PEG3: variants seen among roughly 807,000 people sequenced by gnomAD.
The protein encoded by PEG3 is paternally expressed 3.
In PEG3, 23 loss-of-function variants were observed where a neutral mutation model predicts 35.5. That is an observed-to-expected ratio of 0.65 (90% CI 0.47 to 0.92). PEG3 has a LOEUF of 0.92. PEG3 is among the 40% of genes least tolerant of loss of function. PEG3 has a pLI of 0.00. For missense variants in PEG3, 1,960 were observed against 1,985.3 expected, an observed-to-expected ratio of 0.99 and a Z score of 0.24; for synonymous variants, 707 against 697.0, an observed-to-expected ratio of 1.01 and a Z score of -0.23.
At position 56,817,303 on chromosome 19, in the gene PEG3, G is replaced by A; in HGVS notation, c.1139C>T (p.Thr380Ile). The A allele has an allele frequency of 6.2e-7, 1 of 1,614,128 alleles. No homozygotes were observed. Among genetic ancestry groups the A allele is most frequent in the Non-Finnish European group, 8.5e-7 (1 of 1,180,022 alleles). Residue 380 changes from threonine (T) to isoleucine (I), a missense_variant, in exon 10 of 10, where the codon ACC (threonine) becomes ATC (isoleucine). This residue lies in a region of PEG3 where 613 missense variants were observed against 577.1 expected (regional missense o/e 1.06). Transcript: ENST00000326441. ...AFRGGFRFNS[T>I]LVSRKRVLER... is the part of the protein sequence containing the mutation. The stretch of plus-strand genomic sequence containing the variant: ...AAGAACTCTCTTTCTGGAAACAAGG[G>A]TTGAATTAAACCTAAAGCCTCCCCT...
At chr19:56,839,874 T>C (rs2062773896) in intron 1 of PEG3, among the ~76,000 whole-genome samples, 1 of 152,214 alleles carries the variant, frequency 6.6e-6, no homozygotes, top group Non-Finnish European at 1.5e-5. Context: ...ACTTGAGCCT[T>C]GCCCCGCCCC....
intron 3 of PEG3, among the ~76,000 whole-genome samples, chr19:56,825,496 T>C (rs2060932252): frequency 6.6e-6 from 1 of 152,234 alleles, no homozygotes; most frequent in Non-Finnish European, 1.5e-5. Flanking sequence ...TTCTCTTTAT[T>C]TTATTATCTG....
Position 56,817,522 on chromosome 19 carries a change from T to A in PEG3, c.920A>T (p.Asp307Val). Residue 307 changes from aspartate (D) to valine (V), a missense_variant, in exon 10 of 10, where the codon GAT (aspartate) becomes GTT (valine). Around this residue, in one of 5 missense-constraint regions of PEG3, gnomAD observed 613 missense variants for 577.1 expected, o/e 1.06. Coordinates refer to ENST00000326441, the MANE Select transcript of PEG3 (RefSeq NM_006210.3). The stretch of plus-strand genomic sequence containing the variant: ...CATTATCACTCCGTGGGAAGATTCA[T>A]CTTCACAAATCCCCCGCCGGTGGGT... ...KSTHRRGICE[D>V]ESSHGVIMEK... is the part of the protein sequence containing the mutation. 1.2e-6 allele frequency: 2 copies of A among 1,606,338 alleles called. No individual in the cohort carries two copies. The highest frequency in any genetic ancestry group is 8.5e-7 in the Non-Finnish European group (1 of 1,175,538).
rs149726269 is a variant in PEG3, at chr19:56,815,384, C to T, written c.3058G>A (p.Ala1020Thr). ...LAPTDPQTSY[A>T]QEQYAKEQAR... Reference sequence around the variant, plus strand: ...TGCTCTTTAGCATACTGCTCTTGGGCGTAACTTGTTTGAGGGTCAGTAGGG... The same window carrying T: ...TGCTCTTTAGCATACTGCTCTTGGGTGTAACTTGTTTGAGGGTCAGTAGGG... Residue 1020 changes from alanine to threonine, a missense_variant, in exon 10 of 10, where the codon GCC becomes ACC. Physicochemically the swap from Ala to Thr is moderately conservative, Grantham distance 58. Around this residue, in one of 5 missense-constraint regions of PEG3, gnomAD observed 798 missense variants for 782.4 expected, o/e 1.02. Coordinates refer to ENST00000326441, the MANE Select transcript of PEG3 (RefSeq NM_006210.3). 5.6e-4 allele frequency: 899 copies of T among 1,614,144 alleles called. 5 individuals carry two copies. In the African/African-American group the frequency reaches 9.2e-3, roughly 16 times the overall value.
intron 1 of PEG3, among the ~76,000 whole-genome samples, chr19:56,839,434 C>T (rs2062690415): frequency 6.7e-6 from 1 of 150,116 alleles, no homozygotes. Flanking sequence ...AGGGCCTGAA[C>T]AGATCGTCAC....
In PEG3 at chr19:56,817,090, G is replaced by A; in HGVS notation, c.1352C>T (p.Pro451Leu). 6.2e-7 allele frequency: 1 copy of A among 1,614,104 alleles called. No homozygotes were observed. Among genetic ancestry groups the A allele is most frequent in the Non-Finnish European group, 8.5e-7 (1 of 1,179,998 alleles). Reference sequence around the variant, plus strand: ...CCTCCCACACTCATCACATACATATGGCATTGCCCCAAAATCAATTGGCTG... The same window carrying A: ...CCTCCCACACTCATCACATACATATAGCATTGCCCCAAAATCAATTGGCTG... The part of the protein sequence containing the change: ...ESQPIDFGAM[P>L]YVCDECGRSF... Residue 451 changes from proline (P) to leucine (L), a missense_variant, in exon 10 of 10, where the codon CCA becomes CTA. Pro to Leu is a moderately conservative substitution (Grantham distance 98). Transcript: ENST00000326441.
At chr19:56,824,229 C>T (rs2060796544) in intron 4 of PEG3, 33 bp downstream of exon 4, 1 of 1,603,956 alleles carries the variant, frequency 6.2e-7, no homozygotes, top group Non-Finnish European at 8.5e-7. Flanking sequence ...CTGAGGCCTG[C>T]ACTGACCACC....
At chr19:56,819,715 C>T (rs1470293807) in intron 7 of PEG3, among the ~76,000 whole-genome samples, 1 of 152,182 alleles carries the variant, frequency 6.6e-6, no homozygotes. Context: ...CTTTGCAATA[C>T]TGTGGGTGAG....
At position 56,823,617 on chromosome 19, in the gene PEG3, G is replaced by C; in HGVS notation, c.457C>G (p.Pro153Ala). 1 of 1,614,122 alleles carries C rather than the reference G, an allele frequency of 6.2e-7. No individual in the cohort carries two copies. The highest frequency in any genetic ancestry group is 8.5e-7 in the Non-Finnish European group (1 of 1,180,024). Reference protein sequence around the residue: ...DMTRNRRESSPPHSVHSFSDR... With the variant: ...DMTRNRRESSAPHSVHSFSDR... ...CTGAAAGAATGGACTGAGTGAGGTG[G>C]TGAGGACTCTCTTCTGTTCCGGGTC... The change falls in exon 5 of 10, where the codon CCA becomes GCA. Residue 153 changes from proline to alanine, a missense_variant. This residue lies in a region of PEG3 where 613 missense variants were observed against 577.1 expected (regional missense o/e 1.06). Coordinates refer to ENST00000326441, the MANE Select transcript of PEG3 (RefSeq NM_006210.3).
Position 56,815,456 on chromosome 19 carries a change from G to T in PEG3, c.2986C>A (p.Pro996Thr), listed in dbSNP as rs1281167758. The stretch of plus-strand genomic sequence containing the variant: ...CATTCATAGTTTCTGCTTCCAGAGG[G>T]CTTCTCCCTATCATGAATCTTCTGG... Reference protein sequence around the residue: ...EHQKIHDREKPSGSRNYEWSV... With the variant: ...EHQKIHDREKTSGSRNYEWSV... Residue 996 changes from proline (P) to threonine (T), a missense_variant, in exon 10 of 10, where the codon CCC (proline) becomes ACC (threonine). By Grantham distance (38) the Pro-to-Thr change is conservative (BLOSUM62 -1). This residue lies in a region of PEG3 where 798 missense variants were observed against 782.4 expected (regional missense o/e 1.02). Transcript: ENST00000326441. 6.2e-7 allele frequency: 1 copy of T among 1,614,072 alleles called. No homozygotes were observed. Among genetic ancestry groups the T allele is most frequent in the East Asian group, 2.2e-5 (1 of 44,874 alleles).
In PEG3 at chr19:56,813,643, G is replaced by A. The variant is rs770554190; in HGVS notation, c.*32C>T. Reference sequence around the variant, plus strand: ...GTGGTTTGGTAAGGGTCAAGTCCTAGGTGAAGGTTTTCTAACCTTTACCCC... The same window carrying A: ...GTGGTTTGGTAAGGGTCAAGTCCTAAGTGAAGGTTTTCTAACCTTTACCCC... On this transcript the variant is annotated 3_prime_UTR_variant, in exon 10 of 10. Transcript: ENST00000326441. The A allele has an allele frequency of 2.5e-6, 4 of 1,588,904 alleles. No homozygotes were observed. The highest frequency in any genetic ancestry group is 2.7e-5 in the African/African-American group (2 of 74,472).
rs142779879 is a variant in PEG3 at position 56,812,495 on chromosome 19, G to T, written c.*1180C>A. The T allele has an allele frequency of 3.0e-5, 30 of 985,380 alleles. 1 individual carries two copies. The Admixed American group carries it at 1.7e-3, about 57-fold the overall frequency. 61.0% of individuals were successfully genotyped at this position (985,380 alleles called of 1,614,324 possible). On this transcript the variant is annotated 3_prime_UTR_variant, in exon 10 of 10. Coordinates refer to ENST00000326441, the MANE Select transcript of PEG3 (RefSeq NM_006210.3). ...AACGAAGAGAATTAAGTTAGCGATA[G>T]AAAGATCTAAGGATACTAGCTCCTG...
chr19:56,813,716 G>A lies in PEG3; in HGVS notation c.4726C>T (p.Arg1576Cys), dbSNP rs752608830. ...TTCTGGTGTCTGGCGAGGGACAGGC[G>A]GTCATTGAAGAGCTGCCCACAGACG... ...CDVCGQLFND[R>C]LSLARHQNTH... Residue 1576 changes from arginine (R) to cysteine (C), a missense_variant, in exon 10 of 10, where the codon CGC becomes TGC. By Grantham distance (180) the Arg-to-Cys change is radical. This residue lies in a region of PEG3 where 416 missense variants were observed against 416.7 expected (regional missense o/e 1.00). Transcript: ENST00000326441. The A allele has an allele frequency of 3.3e-5, 53 of 1,613,846 alleles. No homozygotes were observed. The highest frequency in any genetic ancestry group is 1.5e-4 in the South Asian group (14 of 91,078).
intron 2 of PEG3, among the ~76,000 whole-genome samples, chr19:56,834,182 T>TAA (rs1259615382): frequency 6.6e-6 from 1 of 152,098 alleles, no homozygotes; most frequent in Non-Finnish European, 1.5e-5. Flanking sequence ...GAGGGAGTAC[T>TAA]AAAAAGTAGG....
rs1282995982 is a variant in PEG3 at position 56,811,222 on chromosome 19, TAAGAA to T, written c.*2448_*2452del. ...TACCATAAAGAACATTCAAGAAATT[TAAGAA>T]AATAATGCTCAACTATAAGCCTACA... is the stretch of plus-strand genomic sequence containing the variant. On this transcript the variant is annotated 3_prime_UTR_variant, in exon 10 of 10. Transcript: ENST00000326441. The T allele has an allele frequency of 1.0e-6, 1 of 967,010 alleles. No homozygotes were observed. Among genetic ancestry groups the T allele is most frequent in the African/African-American group, 1.8e-5 (1 of 56,880 alleles). 59.9% of individuals were successfully genotyped at this position (967,010 alleles called of 1,614,324 possible).
chr19:56,830,106 C>G (rs1440656492), intron 2 of PEG3, among the ~76,000 whole-genome samples: 2 of 152,218 alleles, frequency 1.3e-5, no homozygotes, highest in Admixed American at 1.3e-4. Flanking sequence ...ATGAATCCAA[C>G]AGAACAACAG....
intron 6 of PEG3, 66 bp downstream of exon 6, chr19:56,822,687 C>T (rs2060616876): frequency 6.3e-7 from 1 of 1,583,596 alleles, no homozygotes; most frequent in Non-Finnish European, 8.6e-7. Flanking sequence ...TGGCACTTTC[C>T]CCTTGAACCT....
rs747559949 is a variant in PEG3, at chr19:56,817,212, A to G, written c.1230T>C (p.Cys410=). The G allele has an allele frequency of 4.0e-5, 65 of 1,614,028 alleles. No individual in the cohort carries two copies. In the East Asian group the frequency reaches 1.3e-3, roughly 33 times the overall value. The part of the protein sequence containing the change: ...GKGSIHDQKG[C]PRKKPFECGS... ...CACATTCAAAGGGCTTCTTCCTGGG[A>G]CAGCCTTTTTGATCGTGAATCGAGC... is the stretch of plus-strand genomic sequence containing the variant. The change falls in exon 10 of 10, where the codon TGT becomes TGC. Residue 410 remains cysteine, a synonymous_variant. Coordinates refer to ENST00000326441, the MANE Select transcript of PEG3 (RefSeq NM_006210.3).
Position 56,812,079 on chromosome 19 carries a change from T to G in PEG3, c.*1596A>C, listed in dbSNP as rs1051626953. On this transcript the variant is annotated 3_prime_UTR_variant, in exon 10 of 10. Transcript: ENST00000326441. ...CCCCCAGTGGGTACTTTAATTTTGCTTGTTCAAATGATCTACACTTACATT... is the reference window on the plus strand; with the variant it reads ...CCCCCAGTGGGTACTTTAATTTTGCGTGTTCAAATGATCTACACTTACATT... The G allele has an allele frequency of 1.0e-6, 1 of 971,242 alleles. No individual in the cohort carries two copies. The highest frequency in any genetic ancestry group is 1.9e-5 in the African/African-American group (1 of 53,890). The allele number at this position is 971,242 out of a possible 1,614,324, so 60.2% of individuals were successfully genotyped here.
Sources: allele counts gnomAD v4.1 joint callset (sites outside exome capture counted in the v4.1 genomes callset), GRCh38; gene constraint gnomAD v4.1.1; regional missense constraint gnomAD v4.1.1; transcripts MANE v1.5; gene names NCBI Gene and HGNC (gene_info 2026-07-23, HGNC 2026-07-21).